Variants in RWDD4 observed in about 807,000 individuals in gnomAD.
The protein encoded by RWDD4 is RWD domain containing 4, also known as RWD domain-containing protein 4.
A neutral mutation model predicts 30.0 loss-of-function variants in RWDD4; 16 were observed. The observed-to-expected ratio is 0.53, with a 90% CI of 0.36 to 0.81. RWDD4 has a LOEUF of 0.81. RWDD4 is among the 30% of genes least tolerant of loss of function. The probability of loss-of-function intolerance (pLI) is 0.00; values close to 1 mark genes in which losing one functional copy is unlikely to be tolerated. For synonymous variants in RWDD4, 45 were observed against 72.1 expected (o/e 0.62, Z 1.90); for missense variants, 170 against 223.9 (o/e 0.76, Z 1.54).
chr4:183,649,173 G>A (rs1734024194), intron 5 of RWDD4, among the ~76,000 whole-genome samples: 1 of 152,216 alleles, frequency 6.6e-6, no homozygotes, highest in Admixed American at 6.5e-5. Flanking sequence ...CAGCACTTTG[G>A]GAGGCAGAGG....
At chr4:183,651,707 C>T (rs943968670) in intron 2 of RWDD4, among the ~76,000 whole-genome samples, 1 of 152,192 alleles carries the variant, frequency 6.6e-6, no homozygotes, top group African/African-American at 2.4e-5. Flanking sequence ...AAACTCGACA[C>T]ACCTCATCTT....
chr4:183,646,857 A>G (rs1037158564), intron 5 of RWDD4, among the ~76,000 whole-genome samples: 1 of 152,216 alleles, frequency 6.6e-6, no homozygotes, highest in Non-Finnish European at 1.5e-5. Context: ...CATTTGCATG[A>G]AGCTACTGCT....
chr4:183,646,916 T>C (rs530881264), intron 5 of RWDD4, among the ~76,000 whole-genome samples: 3 of 152,340 alleles, frequency 2.0e-5, no homozygotes, highest in African/African-American at 7.2e-5. Context: ...TATTGTTCTG[T>C]TTAATAAATT....
intron 7 of RWDD4, among the ~76,000 whole-genome samples, chr4:183,644,883 G>T (rs1460510000): frequency 6.6e-6 from 1 of 152,132 alleles, no homozygotes; most frequent in African/African-American, 2.4e-5. Flanking sequence ...GATCACTTGA[G>T]CCCAGGAGTT....
chr4:183,655,022 C>A (rs1734157810), intron 2 of RWDD4, among the ~76,000 whole-genome samples: 1 of 151,648 alleles, frequency 6.6e-6, no homozygotes, highest in South Asian at 2.1e-4. Context: ...CTCACTGGAA[C>A]CTCCGCCTCC....
chr4:183,649,368 C>T, intron 5 of RWDD4, 83 bp downstream of exon 5: 2 of 822,592 alleles, frequency 2.4e-6, no homozygotes, highest in Non-Finnish European at 4.0e-6. Context: ...GAGCTGAGAT[C>T]ATGCCACTGC....
At chr4:183,653,981 C>A (rs953332122) in intron 2 of RWDD4, among the ~76,000 whole-genome samples, 3 of 152,110 alleles carry the variant, frequency 2.0e-5, no homozygotes, top group Non-Finnish European at 4.4e-5. Context: ...AAAGTCAGAG[C>A]AGAGACAGGA....
At chr4:183,650,728 T>C (rs67786988) in intron 4 of RWDD4, among the ~76,000 whole-genome samples, 38,836 of 151,930 alleles carry the variant, frequency 0.26, 6,142 homozygotes, top group African/African-American at 0.45. Flanking sequence ...CTAGGTTCTA[T>C]GATATCTCAG....
chr4:183,657,124 G>A (rs908479880), intron 1 of RWDD4, among the ~76,000 whole-genome samples: 1 of 152,184 alleles, frequency 6.6e-6, no homozygotes, highest in Non-Finnish European at 1.5e-5. Flanking sequence ...GTAAGTATAT[G>A]AAAAACAAGA....
At position 183,645,552 on chromosome 4, in the gene RWDD4, C is replaced by T. The variant is rs1462218694; in HGVS notation, c.534+799G>A. Among the ~76,000 whole-genome samples the T allele has an allele frequency of 6.0e-5, 9 of 150,346 alleles. No homozygotes were observed. The South Asian group carries it at 8.4e-4, about 14-fold the overall frequency. On this transcript the variant is annotated intron_variant, in intron 7 of 7. Transcript: ENST00000326397. ...TGTGAGGCCGAGGTAGCAGGATCAC[C>T]TAAGCCCAGGAGGTCGAGAACAGCC... is the stretch of plus-strand genomic sequence containing the variant.
chr4:183,642,496 T>C (rs976347343), intron 7 of RWDD4, among the ~76,000 whole-genome samples: 10 of 151,912 alleles, frequency 6.6e-5, no homozygotes, highest in South Asian at 6.2e-4. Context: ...ACCCCAAATC[T>C]CTTTATTATC....
rs11310523 is a variant in RWDD4 at position 183,645,599 on chromosome 4, C to CAA, written c.534+750_534+751dup. On this transcript the variant is annotated intron_variant, in intron 7 of 7. Transcript: ENST00000326397. ...AGCCTGGGCAACATATCTGTCTCTG[C>CAA]AAAAAAAAAAAAAAAAAAAATTAGC... 1.8e-3 allele frequency among the ~76,000 whole-genome samples: 200 copies of CAA among 111,452 alleles called. 2 individuals carry two copies. Among genetic ancestry groups the CAA allele is most frequent in the African/African-American group, 2.5e-3 (75 of 29,506 alleles). The allele number at this position is 111,452 out of a possible 152,430, so 73.1% of individuals were successfully genotyped here. A position where few individuals can be genotyped will look rare whatever the true frequency, so the allele number is the denominator to read the frequency against.
At chr4:183,642,807 C>T (rs959007726) in intron 7 of RWDD4, among the ~76,000 whole-genome samples, 25 of 151,816 alleles carry the variant, frequency 1.6e-4, no homozygotes, top group Non-Finnish European at 3.4e-4. Context: ...GCCTGTAATC[C>T]CAGCACTTTG....
chr4:183,641,647 T>C (rs903631245), intron 7 of RWDD4, among the ~76,000 whole-genome samples, 179 bp from the exon 8 acceptor site: 1 of 152,176 alleles, frequency 6.6e-6, no homozygotes, highest in African/African-American at 2.4e-5. Context: ...GGTTTCAAAA[T>C]GTAACCTTGA....
chr4:183,648,525 CAT>C (rs1211298523), intron 5 of RWDD4, among the ~76,000 whole-genome samples: 2 of 152,150 alleles, frequency 1.3e-5, no homozygotes. Context: ...TTGTTTAGAA[CAT>C]ATGAGAATTC....
At chr4:183,644,322 A>G (rs1733924962) in intron 7 of RWDD4, among the ~76,000 whole-genome samples, 1 of 152,254 alleles carries the variant, frequency 6.6e-6, no homozygotes, top group South Asian at 2.1e-4. Context: ...AGTATCTTAC[A>G]CAGGGGAGGA....
At chr4:183,648,364 G>A (rs532563737) in intron 5 of RWDD4, among the ~76,000 whole-genome samples, 1 of 152,152 alleles carries the variant, frequency 6.6e-6, no homozygotes, top group Non-Finnish European at 1.5e-5. Context: ...GTGTAAATGT[G>A]CAAGTACACA....
At chr4:183,643,138 G>C (rs554206436) in intron 7 of RWDD4, among the ~76,000 whole-genome samples, 1 of 136,854 alleles carries the variant, frequency 7.3e-6, no homozygotes, top group African/African-American at 2.7e-5. Context: ...AAAAGAAAAC[G>C]GGTTAAGGCC....
At chr4:183,644,151 A>C (rs1733921351) in intron 7 of RWDD4, among the ~76,000 whole-genome samples, 1 of 152,236 alleles carries the variant, frequency 6.6e-6, no homozygotes, top group South Asian at 2.1e-4. Context: ...ATTTTGACTA[A>C]GAAAATTGCT....
Sources: gnomAD v4.1 joint callset for allele counts (sites outside exome capture counted in the v4.1 genomes callset) on GRCh38, gnomAD v4.1.1 for gene constraint, MANE v1.5 for transcripts, NCBI Gene and HGNC (gene_info 2026-07-23, HGNC 2026-07-21) for gene names.